The following NCAM2 variants were observed in gnomAD, a reference collection of about 807,000 sequenced individuals.
The protein encoded by NCAM2 is neural cell adhesion molecule 2.
NCAM2 carries 30 observed loss-of-function variants against 98.1 expected under a neutral mutation model. That is an observed-to-expected ratio of 0.31 (90% CI 0.23 to 0.41). NCAM2 has a LOEUF of 0.41. NCAM2 is among the 10% of genes least tolerant of loss of function. The probability of loss-of-function intolerance (pLI) is 1.00; values close to 1 mark genes in which losing one functional copy is unlikely to be tolerated. For synonymous variants in NCAM2, 368 were observed against 342.4 expected (o/e 1.07, Z -0.83); for missense variants, 867 against 1,005.8 (o/e 0.86, Z 1.87).
chr21:21,095,543 CA>C (rs1340920515), intron 1 of NCAM2, among the ~76,000 whole-genome samples: 1 of 150,244 alleles, frequency 6.7e-6, no homozygotes, highest in East Asian at 1.9e-4. Context: ...ACTGCATGTC[CA>C]AAAAGTAAGT....
At chr21:21,470,778 C>A (rs1354446472) in intron 14 of NCAM2, among the ~76,000 whole-genome samples, 2 of 151,110 alleles carry the variant, frequency 1.3e-5, no homozygotes, top group East Asian at 3.9e-4. Context: ...TCATACATAA[C>A]TATAATTGTC....
At chr21:21,011,154 G>GT (rs59456952) in intron 1 of NCAM2, among the ~76,000 whole-genome samples, 77,584 of 150,470 alleles carry the variant, frequency 0.52, 20,389 homozygotes, top group East Asian at 0.81. Flanking sequence ...ACTCTGCAGG[G>GT]TTTTTTTTTC....
intron 1 of NCAM2, among the ~76,000 whole-genome samples, chr21:21,270,950 T>G (rs2072474525): frequency 2.0e-5 from 3 of 152,154 alleles, no homozygotes. Context: ...TTAGTTATTT[T>G]TTTTTTATTT....
chr21:21,253,055 G>C (rs367780121), intron 1 of NCAM2, among the ~76,000 whole-genome samples: 66 of 152,090 alleles, frequency 4.3e-4, no homozygotes, highest in African/African-American at 1.6e-3. Flanking sequence ...CTCTGATCTT[G>C]ATTTCTCAAT....
At chr21:21,060,282 A>G (rs2065295079) in intron 1 of NCAM2, among the ~76,000 whole-genome samples, 1 of 152,166 alleles carries the variant, frequency 6.6e-6, no homozygotes, top group Non-Finnish European at 1.5e-5. Flanking sequence ...AAATAGTCAC[A>G]ATAATCAAAT....
chr21:21,246,315 G>A (rs1739845130), intron 1 of NCAM2, among the ~76,000 whole-genome samples: 1 of 152,052 alleles, frequency 6.6e-6, no homozygotes, highest in Admixed American at 6.6e-5. Flanking sequence ...AGCCACTCCT[G>A]AGTTCTCGAT....
chr21:21,411,888 A>G (rs2076894302), intron 10 of NCAM2, among the ~76,000 whole-genome samples: 1 of 152,116 alleles, frequency 6.6e-6, no homozygotes, highest in South Asian at 2.1e-4. Context: ...AATCAATTTC[A>G]ATATAAATAA....
At chr21:21,312,600 TC>T (rs36038308) in intron 5 of NCAM2, among the ~76,000 whole-genome samples, 151,258 of 151,260 alleles carry the variant, frequency 1, 75,628 homozygotes, top group Middle Eastern at 1. Context: ...TTGATATATT[TC>T]CTATTTACAG....
At chr21:21,375,881 G>C (rs1254590436) in intron 9 of NCAM2, among the ~76,000 whole-genome samples, 5 of 151,700 alleles carry the variant, frequency 3.3e-5, no homozygotes, top group African/African-American at 1.2e-4. Context: ...TTTATTCTTT[G>C]CATTTCATTA....
At chr21:21,522,263 TTATA>T in intron 16 of NCAM2, among the ~76,000 whole-genome samples, 1 of 68,818 alleles carries the variant, frequency 1.5e-5, no homozygotes, top group South Asian at 8.4e-4. Context: ...AATACTATAT[TTATA>T]TATAAATATG....
chr21:21,083,552 TGCAGATGCA>T (rs1601319157), intron 1 of NCAM2, among the ~76,000 whole-genome samples: 1 of 152,108 alleles, frequency 6.6e-6, no homozygotes, highest in East Asian at 1.9e-4. Context: ...TAGCTGGGAC[TGCAGATGCA>T]TGTCACCACA....
chr21:21,182,985 A>G lies in NCAM2; in HGVS notation c.56-97593A>G, dbSNP rs138653184. 1.0e-3 allele frequency among the ~76,000 whole-genome samples: 156 copies of G among 152,272 alleles called. 2 individuals are homozygous for G. The highest frequency in any genetic ancestry group is 8.7e-4 in the Non-Finnish European group (59 of 68,014). ...CAAATTTTGAACGTGTACTTTTATA[A>G]TGTTTGTATTAAGTAATGCAATACA... On this transcript the variant is annotated intron_variant, in intron 1 of 17. Transcript: ENST00000400546.
At chr21:21,493,225 A>G (rs1986971060) in intron 15 of NCAM2, among the ~76,000 whole-genome samples, 1 of 151,914 alleles carries the variant, frequency 6.6e-6, no homozygotes, top group African/African-American at 2.4e-5. Flanking sequence ...CTTTTAAAGC[A>G]TCTATATGTG....
At chr21:21,299,683 A>G (rs993095133) in intron 5 of NCAM2, among the ~76,000 whole-genome samples, 1 of 151,612 alleles carries the variant, frequency 6.6e-6, no homozygotes, top group African/African-American at 2.4e-5. Context: ...CTAGAAAGCA[A>G]TTCTAAATAT....
intron 1 of NCAM2, among the ~76,000 whole-genome samples, chr21:21,229,821 C>T (rs1313142563): frequency 6.6e-6 from 1 of 151,264 alleles, no homozygotes; most frequent in Non-Finnish European, 1.5e-5. Flanking sequence ...TTTTCATGAA[C>T]CAAAAATATA....
intron 1 of NCAM2, among the ~76,000 whole-genome samples, chr21:21,180,184 T>G (rs1408553754): frequency 1.3e-5 from 2 of 152,166 alleles, no homozygotes; most frequent in African/African-American, 4.8e-5. Context: ...GTGTAACTCT[T>G]AAGACCCAGA....
intron 1 of NCAM2, among the ~76,000 whole-genome samples, chr21:21,239,723 A>G (rs1318592313): frequency 6.6e-6 from 1 of 152,134 alleles, no homozygotes; most frequent in Non-Finnish European, 1.5e-5. Flanking sequence ...AGTCTTTTCA[A>G]AAACTAATTA....
intron 1 of NCAM2, among the ~76,000 whole-genome samples, chr21:21,072,265 A>T (rs2065588471): frequency 6.6e-6 from 1 of 152,134 alleles, no homozygotes; most frequent in South Asian, 2.1e-4. Flanking sequence ...TGGAAATGGA[A>T]TTATCAGAAT....
intron 1 of NCAM2, among the ~76,000 whole-genome samples, chr21:21,201,971 A>G (rs1457218166): frequency 6.6e-6 from 1 of 152,138 alleles, no homozygotes; most frequent in African/African-American, 2.4e-5. Flanking sequence ...CAAACTTGAG[A>G]ATCAGTATCT....
Sources: allele counts gnomAD v4.1 joint callset (sites outside exome capture counted in the v4.1 genomes callset), GRCh38; gene constraint gnomAD v4.1.1; transcripts MANE v1.5; gene names NCBI Gene and HGNC (gene_info 2026-07-23, HGNC 2026-07-21).